Variants in RALYL observed in about 807,000 individuals in gnomAD.
RALYL encodes RNA-binding Raly-like protein.
Under a neutral mutation model 35.1 loss-of-function variants are expected in RALYL, and 29 were observed. That is an observed-to-expected ratio of 0.83 (90% CI 0.61 to 1.13). RALYL has a LOEUF of 1.13. Among genes scored for constraint, RALYL ranks in the 50% most tolerant of loss-of-function variants. RALYL has a pLI of 0.00. For missense variants in RALYL, 359 were observed against 360.4 expected (o/e 1.00, Z 0.03); for synonymous variants, 120 against 127.6 (o/e 0.94, Z 0.40).
chr8:84,288,087 T>C (rs1425834427), intron 1 of RALYL, among the ~76,000 whole-genome samples: 2 of 152,156 alleles, frequency 1.3e-5, no homozygotes, highest in African/African-American at 2.4e-5. Flanking sequence ...GTCAGGCCAG[T>C]GTGGAAACAG....
At chr8:84,903,317 A>G (rs1196871739) in intron 8 of RALYL, among the ~76,000 whole-genome samples, 1 of 152,202 alleles carries the variant, frequency 6.6e-6, no homozygotes, top group East Asian at 1.9e-4. Context: ...CAGTTGATAC[A>G]TAATTATCTT....
chr8:84,287,813 T>G (rs1837957776), intron 1 of RALYL, among the ~76,000 whole-genome samples: 1 of 152,028 alleles, frequency 6.6e-6, no homozygotes, highest in Admixed American at 6.6e-5. Context: ...ATGGGGTCAT[T>G]TGGGGGATGT....
intron 1 of RALYL, among the ~76,000 whole-genome samples, chr8:84,442,369 C>T (rs969317780): frequency 6.6e-6 from 1 of 152,088 alleles, no homozygotes; most frequent in Admixed American, 6.5e-5. Flanking sequence ...AATTTAAATG[C>T]CGTACATAGA....
In RALYL at chr8:84,445,371, C is replaced by T. The variant is rs2048742472; in HGVS notation, c.-23-83928C>T. On this transcript the variant is annotated intron_variant, in intron 1 of 8. Transcript: ENST00000521268. ...GTTTGCCATCCACTCAATAGTGGTT[C>T]TAGAAAAAATGTAAGTGAATTTAGA... Among the ~76,000 whole-genome samples the T allele has an allele frequency of 2.6e-5, 4 of 151,754 alleles. No homozygotes were observed. In the South Asian group the frequency reaches 6.2e-4, roughly 24 times the overall value.
chr8:84,698,564 C>T (rs1175160816), intron 2 of RALYL, among the ~76,000 whole-genome samples: 1 of 151,820 alleles, frequency 6.6e-6, no homozygotes, highest in Non-Finnish European at 1.5e-5. Flanking sequence ...CCCACTACCA[C>T]ATATATAAAA....
At chr8:84,680,558 G>A (rs976465887) in intron 2 of RALYL, among the ~76,000 whole-genome samples, 2 of 152,260 alleles carry the variant, frequency 1.3e-5, no homozygotes, top group African/African-American at 4.8e-5. Flanking sequence ...GTGTGAGATG[G>A]TATCTCATTG....
intron 1 of RALYL, among the ~76,000 whole-genome samples, chr8:84,278,017 A>G (rs1037895109): frequency 3.3e-5 from 5 of 152,208 alleles, no homozygotes; most frequent in African/African-American, 1.2e-4. Context: ...AGTGCCCCAG[A>G]GGGCACCCTG....
In RALYL at chr8:84,522,618, T is replaced by A. The variant is rs554612721; in HGVS notation, c.-23-6681T>A. Among the ~76,000 whole-genome samples, 3 of 152,306 alleles carry A rather than the reference T, an allele frequency of 2.0e-5. No individual in the cohort carries two copies. In the East Asian group the frequency reaches 5.8e-4, roughly 29 times the overall value. On this transcript the variant is annotated intron_variant, in intron 1 of 8. Coordinates refer to ENST00000521268, the MANE Select transcript of RALYL (RefSeq NM_173848.7). ...CACTTTAAGAGATTTTCTCTGATATTTTTCAACTGGATATGATCACTTTCT... is the reference window on the plus strand; with the variant it reads ...CACTTTAAGAGATTTTCTCTGATATATTTCAACTGGATATGATCACTTTCT...
chr8:84,756,120 ATACCATGGATTATAT>A (rs1219440706), intron 2 of RALYL, among the ~76,000 whole-genome samples: 1 of 152,114 alleles, frequency 6.6e-6, no homozygotes, highest in African/African-American at 2.4e-5. Flanking sequence ...CTGTACCAAT[ATACCATGGATTATAT>A]TACCCCTATG....
chr8:84,668,949 ACATCCATCCATCCATCCATC>A (rs529680899), intron 2 of RALYL, among the ~76,000 whole-genome samples: 2 of 150,590 alleles, frequency 1.3e-5, no homozygotes, highest in African/African-American at 4.9e-5. Context: ...GTTCAACAAC[ACATCCATCCATCCATCCATC>A]CATCCATCCA....
chr8:84,579,890 T>C (rs985105071), intron 2 of RALYL, among the ~76,000 whole-genome samples: 29 of 152,172 alleles, frequency 1.9e-4, no homozygotes, highest in African/African-American at 7.0e-4. Flanking sequence ...ATTTAACTTT[T>C]CTTAGGAACC....
chr8:84,542,384 A>T (rs1301604400), intron 2 of RALYL, among the ~76,000 whole-genome samples: 1 of 152,070 alleles, frequency 6.6e-6, no homozygotes, highest in East Asian at 1.9e-4. Context: ...ATACATTATA[A>T]TTTCTTAAAT....
chr8:84,220,550 T>C (rs867670533), intron 1 of RALYL, among the ~76,000 whole-genome samples: 2 of 151,964 alleles, frequency 1.3e-5, no homozygotes, highest in South Asian at 4.1e-4. Context: ...TGATAATAAA[T>C]CAAGAAAAAA....
intron 2 of RALYL, among the ~76,000 whole-genome samples, chr8:84,568,464 G>T (rs959600461): frequency 6.7e-6 from 1 of 150,310 alleles, no homozygotes. Context: ...GGACATTTGG[G>T]TTGGTTCCAA....
chr8:84,238,595 A>G (rs1827137368), intron 1 of RALYL, among the ~76,000 whole-genome samples: 1 of 152,170 alleles, frequency 6.6e-6, no homozygotes, highest in South Asian at 2.1e-4. Context: ...CTTGAAATTC[A>G]TGGTGAACCT....
chr8:84,367,318 A>ATTTTTTTTTTTTTT lies in RALYL; in HGVS notation c.-23-161943_-23-161930dup, dbSNP rs56387511. On this transcript the variant is annotated intron_variant, in intron 1 of 8. Coordinates refer to ENST00000521268, the MANE Select transcript of RALYL (RefSeq NM_173848.7). Reference sequence around the variant, plus strand: ...GCCATCCTGCCCAACTAATTTTTGTATTTTTTTTTTTTTTTTTTTTTTTTT... The same window carrying ATTTTTTTTTTTTTT: ...GCCATCCTGCCCAACTAATTTTTGTATTTTTTTTTTTTTTTTTTTTTTTTTTTTTTTTTTTTTTT... Among the ~76,000 whole-genome samples, 6 of 27,404 alleles carry ATTTTTTTTTTTTTT rather than the reference A, an allele frequency of 2.2e-4. 1 individual carries two copies. Among genetic ancestry groups the ATTTTTTTTTTTTTT allele is most frequent in the Non-Finnish European group, 3.9e-4 (4 of 10,136 alleles). The allele number at this position is 27,404 out of a possible 152,430, so 18.0% of individuals were successfully genotyped here.
intron 2 of RALYL, among the ~76,000 whole-genome samples, chr8:84,651,058 C>G (rs1466703381): frequency 6.6e-6 from 1 of 151,824 alleles, no homozygotes; most frequent in African/African-American, 2.4e-5. Context: ...ACATCACACT[C>G]TGGGGACTGT....
chr8:84,782,950 T>C (rs757733374), intron 3 of RALYL, among the ~76,000 whole-genome samples: 16 of 131,956 alleles, frequency 1.2e-4, no homozygotes, highest in Admixed American at 3.6e-4. Context: ...AGGACAGTCC[T>C]TAGTAGAGAA....
intron 1 of RALYL, among the ~76,000 whole-genome samples, chr8:84,426,276 C>G (rs1287611141): frequency 6.6e-6 from 1 of 152,104 alleles, no homozygotes; most frequent in Non-Finnish European, 1.5e-5. Flanking sequence ...GCATAAATCT[C>G]ATATACTGCA....
Sources: allele counts gnomAD v4.1 joint callset (sites outside exome capture counted in the v4.1 genomes callset), GRCh38; gene constraint gnomAD v4.1.1; transcripts MANE v1.5; gene names NCBI Gene and HGNC (gene_info 2026-07-23, HGNC 2026-07-21).